RAC1: variants seen among roughly 807,000 people sequenced by gnomAD.
RAC1 encodes ras-related C3 botulinum toxin substrate 1.
Under a neutral mutation model 25.2 loss-of-function variants are expected in RAC1, and 2 were observed. The ratio of observed to expected loss-of-function variants is 0.08; its 90% CI spans 0.03 to 0.25. RAC1 has a LOEUF of 0.25. Ranked by LOEUF, RAC1 falls within the 10% of genes least tolerant of loss-of-function variation. The probability of loss-of-function intolerance (pLI) is 1.00; values close to 1 mark genes in which losing one functional copy is unlikely to be tolerated. For synonymous variants in RAC1, 88 were observed against 94.0 expected (o/e 0.94, Z 0.37); for missense variants, 50 against 235.7 (o/e 0.21, Z 5.16).
intron 2 of RAC1, among the ~76,000 whole-genome samples, chr7:6,391,249 GT>G (rs775542747): frequency 4.8e-5 from 7 of 146,188 alleles, no homozygotes; most frequent in Non-Finnish European, 1.0e-4. Context: ...TTGCCTTCCT[GT>G]GCAGAGGAAA....
chr7:6,403,406 C>G lies in RAC1; in HGVS notation c.*960C>G. 4.7e-6 allele frequency: 1 copy of G among 213,330 alleles called. No individual in the cohort carries two copies. Among genetic ancestry groups the G allele is most frequent in the Non-Finnish European group, 9.5e-6 (1 of 105,332 alleles). The allele number at this position is 213,330 out of a possible 1,614,324, so 13.2% of individuals were successfully genotyped here. ...CTGTTAGTCGCTAACTTAGTAAGTG[C>G]TTTTCTTATAGAACCCCTTCTGACT... On this transcript the variant is annotated 3_prime_UTR_variant, in exon 6 of 6. Transcript: ENST00000348035.
intron 1 of RAC1, among the ~76,000 whole-genome samples, chr7:6,380,729 A>C (rs1359786006): frequency 2.6e-5 from 4 of 152,348 alleles, no homozygotes; most frequent in Non-Finnish European, 1.5e-5. Context: ...GTCAACATGC[A>C]CATACCCATG....
chr7:6,394,287 C>T (rs1035588125), intron 3 of RAC1, among the ~76,000 whole-genome samples: 2 of 152,218 alleles, frequency 1.3e-5, no homozygotes, highest in African/African-American at 2.4e-5. Flanking sequence ...AGCAGGTAGT[C>T]GCCATTCTTA....
chr7:6,402,515 AAAAAAAAAAC>A lies in RAC1; in HGVS notation c.*79_*88del, dbSNP rs1562471517. The A allele has an allele frequency of 3.7e-4, 391 of 1,067,702 alleles. 49 individuals are homozygous for A. Among genetic ancestry groups the A allele is most frequent in the East Asian group, 3.4e-3 (64 of 19,094 alleles). The allele number at this position is 1,067,702 out of a possible 1,614,324, so 66.1% of individuals were successfully genotyped here. A position where few individuals can be genotyped will look rare whatever the true frequency, so the allele number is the denominator to read the frequency against. On this transcript the variant is annotated 3_prime_UTR_variant, in exon 6 of 6. Transcript: ENST00000348035. ...GTACGCTTTGCTCAAAAAAAAACAA[AAAAAAAAAAC>A]AAAAAAAAAAAACAACGGTGGAGCC...
chr7:6,400,742 C>T (rs1275745254), intron 4 of RAC1, among the ~76,000 whole-genome samples: 1 of 152,062 alleles, frequency 6.6e-6, no homozygotes, highest in Admixed American at 6.5e-5. Flanking sequence ...GTGACGCAAT[C>T]TTGGCTCACT....
chr7:6,398,607 T>G, intron 3 of RAC1: 1 of 1,480,782 alleles, frequency 6.8e-7, no homozygotes, highest in South Asian at 1.2e-5. Context: ...GTTATATTGA[T>G]TTTTGTTGTC....
chr7:6,379,659 C>G (rs1453597930), intron 1 of RAC1, among the ~76,000 whole-genome samples: 4 of 152,260 alleles, frequency 2.6e-5, no homozygotes, highest in African/African-American at 9.6e-5. Context: ...ATCTGCCCGC[C>G]TTGGCCTCCC....
At chr7:6,397,104 A>G (rs1478142958) in intron 3 of RAC1, among the ~76,000 whole-genome samples, 3 of 135,152 alleles carry the variant, frequency 2.2e-5, no homozygotes, top group African/African-American at 8.4e-5. Context: ...AGCTGGGCGC[A>G]GTGGCGGATA....
chr7:6,391,898 C>T (rs376284529), intron 2 of RAC1, 26 bp from the exon 3 acceptor site: 1 of 1,613,834 alleles, frequency 6.2e-7, no homozygotes, highest in Non-Finnish European at 8.5e-7. Flanking sequence ...ACACCTGTGA[C>T]TAACCATTTT....
chr7:6,383,094 A>G (rs1474147123), intron 1 of RAC1, among the ~76,000 whole-genome samples: 1 of 152,222 alleles, frequency 6.6e-6, no homozygotes, highest in East Asian at 1.9e-4. Context: ...ATGATTGAAA[A>G]GAGGTTGAAC....
In RAC1 at chr7:6,403,265, AGAT is replaced by A. The variant is rs60010350; in HGVS notation, c.*825_*827del. The A allele has an allele frequency of 6.0e-3, 1,288 of 215,412 alleles. 14 individuals are homozygous for A. Among genetic ancestry groups the A allele is most frequent in the African/African-American group, 0.026 (1,168 of 44,560 alleles). The allele number at this position is 215,412 out of a possible 1,614,324, so 13.3% of individuals were successfully genotyped here. ...AAGGTTAATTTCTGTCAAATGCAGT[AGAT>A]GATGAAAGAAAGGTTGGTATTATCA... On this transcript the variant is annotated 3_prime_UTR_variant, in exon 6 of 6. Coordinates refer to ENST00000348035, the MANE Select transcript of RAC1 (RefSeq NM_006908.5).
chr7:6,379,783 C>G (rs182933727), intron 1 of RAC1, among the ~76,000 whole-genome samples: 126 of 152,050 alleles, frequency 8.3e-4, no homozygotes, highest in African/African-American at 2.9e-3. Flanking sequence ...GAGTCTCGCT[C>G]TGTCACCCAG....
At chr7:6,375,772 C>G (rs1453201304) in intron 1 of RAC1, 9 of 151,948 alleles carry the variant, frequency 5.9e-5, no homozygotes, top group Non-Finnish European at 1.0e-4. Flanking sequence ...CCTGTGACTC[C>G]AGGCATTGCT....
intron 2 of RAC1, among the ~76,000 whole-genome samples, chr7:6,390,220 G>A (rs1016661703): frequency 4.0e-5 from 6 of 149,714 alleles, no homozygotes; most frequent in African/African-American, 1.5e-4. Context: ...CTGATGGAAC[G>A]TTTTGTAAAT....
chr7:6,384,978 G>A (rs1159765763), intron 1 of RAC1, among the ~76,000 whole-genome samples: 1 of 151,040 alleles, frequency 6.6e-6, no homozygotes, highest in African/African-American at 2.4e-5. Context: ...CCTAATTTTT[G>A]TATTTTTAGT....
At position 6,380,691 on chromosome 7, in the gene RAC1, CA is replaced by C. The variant is rs1782738591; in HGVS notation, c.35+5924del. On this transcript the variant is annotated intron_variant, in intron 1 of 5. Coordinates refer to ENST00000348035, the MANE Select transcript of RAC1 (RefSeq NM_006908.5). ...TGCAATGTCTTAATATGAAAAATTT[CA>C]AACAGACTAGTGGAAAGCATTGTAC... Among the ~76,000 whole-genome samples the C allele has an allele frequency of 2.0e-5, 3 of 152,246 alleles. No homozygotes were observed. In the South Asian group the frequency reaches 6.2e-4, roughly 32 times the overall value.
At chr7:6,395,787 C>A (rs1349573514) in intron 3 of RAC1, among the ~76,000 whole-genome samples, 1 of 152,240 alleles carries the variant, frequency 6.6e-6, no homozygotes, top group African/African-American at 2.4e-5. Context: ...GCGTGAGCCA[C>A]TGCGCCTGGC....
At chr7:6,387,698 C>T (rs1782960839) in intron 2 of RAC1, among the ~76,000 whole-genome samples, 1 of 151,408 alleles carries the variant, frequency 6.6e-6, no homozygotes, top group African/African-American at 2.4e-5. Context: ...GCACTCCAGC[C>T]TGGGCAATGA....
At chr7:6,398,700 CAA>C in intron 3 of RAC1, 2 of 1,613,270 alleles carry the variant, frequency 1.2e-6, no homozygotes, top group Non-Finnish European at 1.7e-6. Flanking sequence ...CCTCCCGGGG[CAA>C]AGACAAGCCG....
Sources: allele counts gnomAD v4.1 joint callset (sites outside exome capture counted in the v4.1 genomes callset), GRCh38; gene constraint gnomAD v4.1.1; transcripts MANE v1.5; gene names NCBI Gene and HGNC (gene_info 2026-07-23, HGNC 2026-07-21).